Variants in KLF8 observed in about 807,000 individuals in gnomAD.
KLF8 encodes Krueppel-like factor 8.
In KLF8, 10 loss-of-function variants were observed where a neutral mutation model predicts 18.2. The ratio of observed to expected loss-of-function variants is 0.55; its 90% CI spans 0.34 to 0.93. KLF8 has a LOEUF of 0.93. Among genes scored for constraint, KLF8 ranks in the 40% least tolerant of loss-of-function variants. The pLI is 0.02. For synonymous variants in KLF8, 109 were observed against 97.3 expected (o/e 1.12, Z -0.71); for missense variants, 264 against 277.9 (o/e 0.95, Z 0.36).
the KLF8 span, among the ~76,000 whole-genome samples, chrX:56,077,901 G>A: frequency 1.3e-4 from 14 of 109,196 alleles, no homozygotes; most frequent in South Asian, 1.9e-3. Context: ...TCTCTTTGAA[G>A]AAATTGTGAA....
At chrX:56,098,113 C>G in the KLF8 span, among the ~76,000 whole-genome samples, 1 of 111,459 alleles carries the variant, frequency 9.0e-6, no homozygotes, top group South Asian at 3.8e-4. Flanking sequence ...TTAAAAAGAG[C>G]CTGGCACTTC....
the KLF8 span, among the ~76,000 whole-genome samples, chrX:56,187,722 T>C: frequency 1.8e-5 from 2 of 110,630 alleles, no homozygotes; most frequent in Non-Finnish European, 3.8e-5. Context: ...ATTCAATATA[T>C]GCAAATCAAT....
the KLF8 span, among the ~76,000 whole-genome samples, chrX:56,032,752 C>A: frequency 8.9e-6 from 1 of 111,972 alleles, no homozygotes; most frequent in Non-Finnish European, 1.9e-5. Flanking sequence ...TCAGTAGTTT[C>A]CAATATTTAG....
At chrX:56,221,108 G>A in the KLF8 span, among the ~76,000 whole-genome samples, 1 of 111,473 alleles carries the variant, frequency 9.0e-6, no homozygotes, top group African/African-American at 3.3e-5. Flanking sequence ...ATTATTTCAT[G>A]GAAAAAATAA....
the KLF8 span, among the ~76,000 whole-genome samples, chrX:55,933,086 A>G: frequency 9.0e-6 from 1 of 111,315 alleles, no homozygotes; most frequent in Non-Finnish European, 1.9e-5. Flanking sequence ...ACATTTTTAC[A>G]TCTTAAGAAA....
At position 56,286,110 on chromosome X, in the gene KLF8, C is replaced by T. The variant is rs1208375055; in HGVS notation, c.*1616C>T. Reference sequence around the variant, plus strand: ...TTTTTTCTCCAGATGTTTCTTTGAGCCCTTATACACCTGCACGCTTATTCT... The same window carrying T: ...TTTTTTCTCCAGATGTTTCTTTGAGTCCTTATACACCTGCACGCTTATTCT... On this transcript the variant is annotated 3_prime_UTR_variant, in exon 6 of 6. Transcript: ENST00000468660. 9.0e-6 allele frequency: 1 copy of T among 110,714 alleles called. No homozygotes were observed. Among genetic ancestry groups the T allele is most frequent in the African/African-American group, 3.3e-5 (1 of 30,403 alleles). The allele number at this position is 110,714 out of a possible 1,213,427, so 9.1% of individuals were successfully genotyped here. A position where few individuals can be genotyped will look rare whatever the true frequency, so the allele number is the denominator to read the frequency against.
the KLF8 span, among the ~76,000 whole-genome samples, chrX:55,959,953 C>G: frequency 9.0e-6 from 1 of 110,556 alleles, no homozygotes; most frequent in Non-Finnish European, 1.9e-5. Flanking sequence ...ATCAGATGCT[C>G]CAGTTAACAT....
At chrX:56,077,256 A>AG in the KLF8 span, among the ~76,000 whole-genome samples, 1 of 111,916 alleles carries the variant, frequency 8.9e-6, no homozygotes, top group Non-Finnish European at 1.9e-5. Flanking sequence ...GTTTTCTTCT[A>AG]GGATATTTCT....
the KLF8 span, among the ~76,000 whole-genome samples, chrX:56,214,963 CAT>C: frequency 8.9e-6 from 1 of 112,218 alleles, no homozygotes; most frequent in African/African-American, 3.2e-5. Flanking sequence ...ATGCTCAGCA[CAT>C]GTCATTATCC....
chrX:55,990,722 A>G, the KLF8 span, among the ~76,000 whole-genome samples: 1 of 112,361 alleles, frequency 8.9e-6, no homozygotes, highest in Admixed American at 9.4e-5. Flanking sequence ...TCTAACAGTC[A>G]GGACCATCAG....
At chrX:56,080,498 G>A in the KLF8 span, among the ~76,000 whole-genome samples, 1 of 111,432 alleles carries the variant, frequency 9.0e-6, no homozygotes, top group African/African-American at 3.3e-5. Context: ...CTGGCTTCTA[G>A]GGTTTCTGCA....
the KLF8 span, among the ~76,000 whole-genome samples, chrX:55,992,900 G>T: frequency 9.0e-6 from 1 of 111,069 alleles, no homozygotes; most frequent in Non-Finnish European, 1.9e-5. Context: ...TTCTTAGCTT[G>T]GTCATTATTG....
At chrX:56,254,429 T>A (rs964782721) in intron 2 of KLF8, among the ~76,000 whole-genome samples, 6 of 111,581 alleles carry the variant, frequency 5.4e-5, no homozygotes, top group African/African-American at 2.0e-4. Flanking sequence ...CTGCGACCCT[T>A]GAAGCCCCAG....
chrX:56,100,258 G>A, the KLF8 span, among the ~76,000 whole-genome samples: 289 of 110,803 alleles, frequency 2.6e-3, 3 homozygotes, highest in Non-Finnish European at 7.0e-4. Context: ...ATAGTTTAAT[G>A]AATATTTTAA....
chrX:56,218,569 G>A, the KLF8 span, among the ~76,000 whole-genome samples: 4 of 111,985 alleles, frequency 3.6e-5, no homozygotes, highest in African/African-American at 1.3e-4. Flanking sequence ...AACCCATCAT[G>A]TACTAGTGAT....
chrX:56,267,225 G>A (rs760685925), intron 3 of KLF8: 15 of 747,945 alleles, frequency 2.0e-5, no homozygotes, highest in Non-Finnish European at 2.4e-5. Flanking sequence ...GCCCAATGGT[G>A]TCTGTATTAG....
chrX:56,056,915 G>A, the KLF8 span, among the ~76,000 whole-genome samples: 17 of 110,476 alleles, frequency 1.5e-4, no homozygotes, highest in African/African-American at 4.9e-4. Context: ...ACTCTGATGG[G>A]TGGTGTCAGC....
At chrX:56,185,444 C>T in the KLF8 span, among the ~76,000 whole-genome samples, 1 of 112,000 alleles carries the variant, frequency 8.9e-6, no homozygotes, top group South Asian at 3.7e-4. Flanking sequence ...AGTTGGAAAA[C>T]ACTCTGCAGG....
upstream of KLF8, among the ~76,000 whole-genome samples, chrX:56,228,656 T>C (rs935931019): frequency 2.7e-5 from 3 of 111,948 alleles, no homozygotes; most frequent in Non-Finnish European, 5.6e-5. Context: ...CTCCAAAATA[T>C]CTTTATCCTT....
Sources: gnomAD v4.1 joint callset for allele counts (sites outside exome capture counted in the v4.1 genomes callset) on GRCh38, gnomAD v4.1.1 for gene constraint, MANE v1.5 for transcripts, NCBI Gene and HGNC (gene_info 2026-07-23, HGNC 2026-07-21) for gene names.